Variants in CD58 observed in about 807,000 individuals in gnomAD.
The protein encoded by CD58 is lymphocyte function-associated antigen 3.
Under a neutral mutation model 27.6 loss-of-function variants are expected in CD58, and 14 were observed. The observed-to-expected ratio is 0.51, with a 90% CI of 0.34 to 0.79. CD58 has a LOEUF of 0.79. Ranked by LOEUF, CD58 falls within the 30% of genes least tolerant of loss-of-function variation. CD58 has a pLI of 0.02. For synonymous variants in CD58, 117 were observed against 103.8 expected, an observed-to-expected ratio of 1.13 and a Z score of -0.77; for missense variants, 268 against 301.7, an observed-to-expected ratio of 0.89 and a Z score of 0.83.
At chr1:116,545,088 C>A (rs543529062) in intron 1 of CD58, among the ~76,000 whole-genome samples, 2 of 152,218 alleles carry the variant, frequency 1.3e-5, no homozygotes, top group South Asian at 4.2e-4. Flanking sequence ...GAAGCAGCAC[C>A]CCCAAAGGAA....
rs1346276287 is a variant in CD58 at position 116,550,379 on chromosome 1, T to C, written c.71-5775A>G. Among the ~76,000 whole-genome samples, 1 of 152,218 alleles carries C rather than the reference T, an allele frequency of 6.6e-6. No individual in the cohort carries two copies. Among genetic ancestry groups the C allele is most frequent in the African/African-American group, 2.4e-5 (1 of 41,460 alleles). On this transcript the variant is annotated intron_variant, in intron 1 of 5. Coordinates refer to ENST00000369489, the MANE Select transcript of CD58 (RefSeq NM_001779.3). This position sits in a 1 kb window ranked among gnomAD's most constrained non-coding sequence, Gnocchi z 4.2. ...CCCTTTGTTGTCATTTAAACAATGTTCACAGCATCTTCACCAGGAGTATAG... is the reference window on the plus strand; with the variant it reads ...CCCTTTGTTGTCATTTAAACAATGTCCACAGCATCTTCACCAGGAGTATAG...
intron 3 of CD58, among the ~76,000 whole-genome samples, chr1:116,526,942 GGTAAATGGT>G (rs1404514333): frequency 1.3e-5 from 2 of 152,012 alleles, no homozygotes; most frequent in Non-Finnish European, 2.9e-5. Flanking sequence ...GGGGTGCTAA[GGTAAATGGT>G]GTTGTGTTTT....
rs1455284010 is a variant in CD58 at position 116,516,420 on chromosome 1, CT to C, written c.744-1599del. ...GAGAGGTCAGTGTTACCTTTCTAGACTCATCATTCCAAAGCAGTGCTTTTCA... is the reference window on the plus strand; with the variant it reads ...GAGAGGTCAGTGTTACCTTTCTAGACCATCATTCCAAAGCAGTGCTTTTCA... On this transcript the variant is annotated intron_variant, in intron 5 of 5. Coordinates refer to ENST00000369489, the MANE Select transcript of CD58 (RefSeq NM_001779.3). The surrounding 1 kb of genome is among the most constrained non-coding windows in gnomAD (Gnocchi z 6.1). Among the ~76,000 whole-genome samples, 2 of 152,202 alleles carry C rather than the reference CT, an allele frequency of 1.3e-5. No homozygotes were observed. The highest frequency in any genetic ancestry group is 2.9e-5 in the Non-Finnish European group (2 of 68,036).
intron 5 of CD58, 35 bp from the exon 6 acceptor site, chr1:116,514,857 T>C (rs1657026376): frequency 1.3e-6 from 2 of 1,523,600 alleles, no homozygotes; most frequent in Non-Finnish European, 1.8e-6. Context: ...ACTTGTAAAA[T>C]GCAGTAAATC....
chr1:116,551,597 C>T (rs1387351956), intron 1 of CD58, among the ~76,000 whole-genome samples: 2 of 152,162 alleles, frequency 1.3e-5, no homozygotes, highest in South Asian at 2.1e-4. Context: ...AACGCTGTTT[C>T]ACTTTCTTAT....
chr1:116,553,292 A>G (rs560891446), intron 1 of CD58, among the ~76,000 whole-genome samples: 46 of 151,816 alleles, frequency 3.0e-4, no homozygotes, highest in African/African-American at 1.1e-3. Flanking sequence ...CAAAGTTTCT[A>G]TATTTTTACA....
At chr1:116,518,974 T>C (rs1478898390) in intron 5 of CD58, 9 of 1,020,322 alleles carry the variant, frequency 8.8e-6, no homozygotes, top group Admixed American at 6.4e-5. Context: ...GCGCTGTCTC[T>C]AAGCAAGGGG....
Position 116,552,015 on chromosome 1 carries a change from C to T in CD58, c.71-7411G>A, listed in dbSNP as rs917004339. On this transcript the variant is annotated intron_variant, in intron 1 of 5. Coordinates refer to ENST00000369489, the MANE Select transcript of CD58 (RefSeq NM_001779.3). This position sits in a 1 kb window ranked among gnomAD's most constrained non-coding sequence, Gnocchi z 4.5. ...TTGGCCTCCCAAAGTGCTGGGATTA[C>T]AGTTGTGAGCCACCACGCCCGGCCA... Among the ~76,000 whole-genome samples, 1 of 152,246 alleles carries T rather than the reference C, an allele frequency of 6.6e-6. No homozygotes were observed. The highest frequency in any genetic ancestry group is 2.4e-5 in the African/African-American group (1 of 41,466).
At chr1:116,565,348 A>T (rs1414563594) in intron 1 of CD58, among the ~76,000 whole-genome samples, 1 of 152,206 alleles carries the variant, frequency 6.6e-6, no homozygotes, top group Non-Finnish European at 1.5e-5. Context: ...TAAACGCTTG[A>T]AGCCTATCTC....
At chr1:116,543,533 A>G (rs1340987841) in intron 2 of CD58, among the ~76,000 whole-genome samples, 2 of 152,102 alleles carry the variant, frequency 1.3e-5, no homozygotes, top group Non-Finnish European at 2.9e-5. Context: ...GCAGGGGCCT[A>G]TACAAGACTG....
rs1250748634 is a variant in CD58 at position 116,536,225 on chromosome 1, G to A, written c.368C>T (p.Ser123Phe). The A allele has an allele frequency of 1.2e-6, 2 of 1,600,470 alleles. No individual in the cohort carries two copies. Among genetic ancestry groups the A allele is most frequent in the South Asian group, 1.1e-5 (1 of 89,766 alleles). ...ACAAGTTAGTGTGGGAGATGGAAGA[G>A]ACTCTGGAAAAAAAAGTATAATATT... ...TMKFFLYVLE[S>F]LPSPTLTCAL... Residue 123 changes from serine (S) to phenylalanine (F), a missense_variant, in exon 3 of 6, where the codon TCT (serine) becomes TTT (phenylalanine). Transcript: ENST00000369489. The surrounding 1 kb of genome is among the most constrained non-coding windows in gnomAD (Gnocchi z 5.4).
At position 116,516,742 on chromosome 1, in the gene CD58, G is replaced by A. The variant is rs1203613198; in HGVS notation, c.744-1920C>T. 1.3e-5 allele frequency among the ~76,000 whole-genome samples: 2 copies of A among 152,090 alleles called. No individual in the cohort carries two copies. The highest frequency in any genetic ancestry group is 3.9e-4 in the East Asian group (2 of 5,182). On this transcript the variant is annotated intron_variant, in intron 5 of 5. Transcript: ENST00000369489. The surrounding 1 kb of genome is among the most constrained non-coding windows in gnomAD (Gnocchi z 6.1). ...ATTCTGGCCTCTCCAATTCCTCTGC[G>A]TTGGTTGCTCAGCCCTTACCCTCAT...
Position 116,557,291 on chromosome 1 carries a change from G to T in CD58, c.71-12687C>A, listed in dbSNP as rs1658597933. On this transcript the variant is annotated intron_variant, in intron 1 of 5. Coordinates refer to ENST00000369489, the MANE Select transcript of CD58 (RefSeq NM_001779.3). The surrounding 1 kb of genome is among the most constrained non-coding windows in gnomAD (Gnocchi z 5.2). ...GACTTCGTAAGGAGAGATGGAGAAA[G>T]AAGTTTAACTGGAGCTTAAAAATAA... Among the ~76,000 whole-genome samples, 1 of 152,184 alleles carries T rather than the reference G, an allele frequency of 6.6e-6. No individual in the cohort carries two copies. Among genetic ancestry groups the T allele is most frequent in the Non-Finnish European group, 1.5e-5 (1 of 68,038 alleles).
chr1:116,560,051 C>T (rs993390910), intron 1 of CD58: 22 of 153,556 alleles, frequency 1.4e-4, no homozygotes, highest in African/African-American at 3.1e-4. Context: ...AAGTAATTGC[C>T]GGTTTTTGCC....
At position 116,516,872 on chromosome 1, in the gene CD58, T is replaced by C. The variant is rs1321882502; in HGVS notation, c.744-2050A>G. Among the ~76,000 whole-genome samples, 1 of 152,204 alleles carries C rather than the reference T, an allele frequency of 6.6e-6. No homozygotes were observed. Among genetic ancestry groups the C allele is most frequent in the Non-Finnish European group, 1.5e-5 (1 of 68,030 alleles). On this transcript the variant is annotated intron_variant, in intron 5 of 5. Coordinates refer to ENST00000369489, the MANE Select transcript of CD58 (RefSeq NM_001779.3). The surrounding 1 kb of genome is among the most constrained non-coding windows in gnomAD (Gnocchi z 6.1). The stretch of plus-strand genomic sequence containing the variant: ...TCTCCCTGGTGTGGCCACAAGCTTC[T>C]TGTGGGAGGAGCCCTATTATATGCT...
chr1:116,566,555 A>T (rs1238820354), intron 1 of CD58, among the ~76,000 whole-genome samples: 1 of 152,224 alleles, frequency 6.6e-6, no homozygotes, highest in Non-Finnish European at 1.5e-5. Flanking sequence ...TCGAAGGCTG[A>T]GGCAGGAACA....
At chr1:116,553,663 G>A (rs1372040263) in intron 1 of CD58, among the ~76,000 whole-genome samples, 2 of 152,206 alleles carry the variant, frequency 1.3e-5, no homozygotes, top group Non-Finnish European at 2.9e-5. Flanking sequence ...GGGTCTGTGA[G>A]ACATCCAAGC....
chr1:116,545,501 G>A (rs1305181352), intron 1 of CD58, among the ~76,000 whole-genome samples: 1 of 152,104 alleles, frequency 6.6e-6, no homozygotes, highest in Non-Finnish European at 1.5e-5. Context: ...GGAGAGAGAA[G>A]TCAACAGGAT....
chr1:116,520,970 C>A (rs1195362913), intron 4 of CD58, among the ~76,000 whole-genome samples: 1 of 152,154 alleles, frequency 6.6e-6, no homozygotes, highest in Non-Finnish European at 1.5e-5. Context: ...TAGGATTATT[C>A]CTTATCTGGG....
Sources: allele counts gnomAD v4.1 joint callset (sites outside exome capture counted in the v4.1 genomes callset), GRCh38; gene constraint gnomAD v4.1.1; non-coding constraint Gnocchi (gnomAD v3.1); transcripts MANE v1.5; gene names NCBI Gene and HGNC (gene_info 2026-07-23, HGNC 2026-07-21).